Variants in PHACTR1 observed in about 807,000 individuals in gnomAD.
PHACTR1 encodes RPEL repeat containing 1.
A neutral mutation model predicts 69.2 loss-of-function variants in PHACTR1; 16 were observed. The observed-to-expected ratio is 0.23, with a 90% CI of 0.16 to 0.35. The LOEUF is 0.35. Among genes scored for constraint, PHACTR1 ranks in the 10% least tolerant of loss-of-function variants. PHACTR1 has a pLI of 1.00. For missense variants in PHACTR1, 510 were observed against 734.7 expected, an observed-to-expected ratio of 0.69 and a Z score of 3.54; for synonymous variants, 312 against 284.5, an observed-to-expected ratio of 1.10 and a Z score of -0.97.
intron 4 of PHACTR1, among the ~76,000 whole-genome samples, chr6:12,753,522 A>G (rs1766871551): frequency 6.6e-6 from 1 of 152,266 alleles, no homozygotes; most frequent in Non-Finnish European, 1.5e-5. Flanking sequence ...ATTAGGCACT[A>G]TTGAGAAAAA....
At chr6:12,766,740 T>C (rs1259983224) in intron 4 of PHACTR1, among the ~76,000 whole-genome samples, 1 of 152,232 alleles carries the variant, frequency 6.6e-6, no homozygotes, top group Non-Finnish European at 1.5e-5. Context: ...ATACAAATAG[T>C]TTAGGCATGT....
intron 5 of PHACTR1, among the ~76,000 whole-genome samples, chr6:13,125,804 C>A (rs1052483156): frequency 6.6e-6 from 1 of 152,006 alleles, no homozygotes; most frequent in East Asian, 1.9e-4. Context: ...GTGGTGCACA[C>A]CTATAGTCCC....
intron 4 of PHACTR1, among the ~76,000 whole-genome samples, chr6:12,869,518 T>C (rs1479878964): frequency 6.6e-6 from 1 of 152,120 alleles, no homozygotes; most frequent in East Asian, 1.9e-4. Context: ...CTTTCCCTGA[T>C]GGTCCAGCCC....
intron 4 of PHACTR1, among the ~76,000 whole-genome samples, chr6:13,034,308 C>T (rs965960885): frequency 7.9e-5 from 12 of 152,214 alleles, no homozygotes; most frequent in Non-Finnish European, 1.8e-4. Context: ...TGAGCCACCA[C>T]GCCCGGCCAG....
Position 13,019,074 on chromosome 6 carries a change from A to ATT in PHACTR1, c.251-34286_251-34285dup, listed in dbSNP as rs56281010. On this transcript the variant is annotated intron_variant, in intron 4 of 14. Transcript: ENST00000332995. The stretch of plus-strand genomic sequence containing the variant: ...TTGAAATATATATATATATATATAT[A>ATT]TTTTTTCTTTTTCTTTTTGTAGAGA... 5.8e-3 allele frequency among the ~76,000 whole-genome samples: 834 copies of ATT among 143,668 alleles called. 7 individuals are homozygous for ATT. Among genetic ancestry groups the ATT allele is most frequent in the African/African-American group, 0.019 (753 of 38,830 alleles). The allele number at this position is 143,668 out of a possible 152,430, so 94.3% of individuals were successfully genotyped here. A position where few individuals can be genotyped will look rare whatever the true frequency, so the allele number is the denominator to read the frequency against.
chr6:13,216,926 T>C (rs1214447292), intron 8 of PHACTR1, among the ~76,000 whole-genome samples: 1 of 152,088 alleles, frequency 6.6e-6, no homozygotes, highest in East Asian at 1.9e-4. Context: ...TTAAGAGGAT[T>C]AAAAAAAGGA....
intron 11 of PHACTR1, among the ~76,000 whole-genome samples, chr6:13,277,539 T>A (rs965525276): frequency 2.6e-5 from 4 of 152,182 alleles, no homozygotes; most frequent in Non-Finnish European, 5.9e-5. Context: ...TATACCACAA[T>A]GAGCCTCCTT....
chr6:13,134,082 G>A (rs1821080932), intron 5 of PHACTR1, among the ~76,000 whole-genome samples: 1 of 151,646 alleles, frequency 6.6e-6, no homozygotes, highest in Admixed American at 6.6e-5. Flanking sequence ...TGAGAAGTGA[G>A]GAGCCCCTCC....
At chr6:12,749,932 T>G (rs1020473312) in intron 4 of PHACTR1, 142 bp downstream of exon 4, 3 of 774,172 alleles carry the variant, frequency 3.9e-6, no homozygotes, top group Non-Finnish European at 5.9e-6. Flanking sequence ...GTGTCTCCGG[T>G]GCGCAGAGGG....
At chr6:12,781,685 C>T (rs1432971118) in intron 4 of PHACTR1, among the ~76,000 whole-genome samples, 2 of 152,176 alleles carry the variant, frequency 1.3e-5, no homozygotes, top group African/African-American at 4.8e-5. Flanking sequence ...ACATCGGCTC[C>T]AGGACCCATC....
At chr6:13,284,368 T>C (rs1387399996) in intron 13 of PHACTR1, among the ~76,000 whole-genome samples, 1 of 151,088 alleles carries the variant, frequency 6.6e-6, no homozygotes, top group East Asian at 1.9e-4. Flanking sequence ...AAATACAAAA[T>C]TAGCCGGGCG....
chr6:12,791,232 G>C (rs1356261478), intron 4 of PHACTR1, among the ~76,000 whole-genome samples: 2 of 152,176 alleles, frequency 1.3e-5, no homozygotes, highest in East Asian at 3.8e-4. Context: ...AGTTTTTAGA[G>C]GACATGGACA....
intron 4 of PHACTR1, among the ~76,000 whole-genome samples, chr6:12,971,113 C>A (rs2127580886): frequency 6.6e-6 from 1 of 152,326 alleles, no homozygotes; most frequent in Non-Finnish European, 1.5e-5. Context: ...CTTGCGTGCT[C>A]TGACCTGGCC....
In PHACTR1 at chr6:13,117,454, G is replaced by A. The variant is rs11966010; in HGVS notation, c.416-42750G>A. 4.7e-3 allele frequency among the ~76,000 whole-genome samples: 710 copies of A among 152,292 alleles called. 7 individuals are homozygous for A. Among genetic ancestry groups the A allele is most frequent in the African/African-American group, 0.015 (622 of 41,554 alleles). ...TCAGTGGACTATTAATAAGGGGCAT[G>A]AAATGTCAAATTAAAATACATCCTT... is the stretch of plus-strand genomic sequence containing the variant. On this transcript the variant is annotated intron_variant, in intron 5 of 14. Coordinates refer to ENST00000332995, the MANE Select transcript of PHACTR1 (RefSeq NM_030948.6).
chr6:13,163,769 GTGCTTCTCT>G (rs2113572991), intron 6 of PHACTR1, among the ~76,000 whole-genome samples: 1 of 152,204 alleles, frequency 6.6e-6, no homozygotes, highest in Admixed American at 6.5e-5. Flanking sequence ...TGACTTCTCT[GTGCTTCTCT>G]TGCTTTATCT....
chr6:13,105,095 C>G (rs572695377), intron 5 of PHACTR1, among the ~76,000 whole-genome samples: 27 of 152,224 alleles, frequency 1.8e-4, no homozygotes, highest in African/African-American at 6.3e-4. Context: ...TTAAGAATGA[C>G]TGTTGGCGCA....
At chr6:13,184,894 G>C in intron 7 of PHACTR1, 1 of 1,366,538 alleles carries the variant, frequency 7.3e-7, no homozygotes, top group Non-Finnish European at 9.8e-7. Flanking sequence ...CAAAAAACCT[G>C]CTGCTTTCCC....
At chr6:12,933,485 G>T in intron 4 of PHACTR1, 1 of 1,344,014 alleles carries the variant, frequency 7.4e-7, no homozygotes, top group Non-Finnish European at 1.0e-6. Flanking sequence ...GGAGAAACTA[G>T]AAGATGGACA....
intron 4 of PHACTR1, among the ~76,000 whole-genome samples, chr6:12,941,153 C>G (rs1254157944): frequency 6.6e-6 from 1 of 152,158 alleles, no homozygotes; most frequent in South Asian, 2.1e-4. Context: ...TGTAGTTCAC[C>G]TACAGAAAAC....
Sources: allele counts gnomAD v4.1 joint callset (sites outside exome capture counted in the v4.1 genomes callset), GRCh38; gene constraint gnomAD v4.1.1; transcripts MANE v1.5; gene names NCBI Gene and HGNC (gene_info 2026-07-23, HGNC 2026-07-21).